MRE11: variants seen among roughly 807,000 people sequenced by gnomAD.
The protein encoded by MRE11 is MRE11 double strand break repair nuclease, also known as double-strand break repair protein MRE11.
MRE11 carries 62 observed loss-of-function variants against 91.7 expected under a neutral mutation model. The ratio of observed to expected loss-of-function variants is 0.68; its 90% CI spans 0.55 to 0.84. MRE11 has a LOEUF of 0.84. Ranked by LOEUF, MRE11 falls within the 40% of genes least tolerant of loss-of-function variation. The probability of loss-of-function intolerance (pLI) is 0.00; values close to 1 mark genes in which losing one functional copy is unlikely to be tolerated. For missense variants in MRE11, 796 were observed against 852.9 expected, an observed-to-expected ratio of 0.93 and a Z score of 0.83; for synonymous variants, 273 against 271.4, an observed-to-expected ratio of 1.01 and a Z score of -0.06.
rs76121721 is a variant in MRE11, at chr11:94,481,520, T to C, written c.315-1759A>G. Among the ~76,000 whole-genome samples, 984 of 152,280 alleles carry C rather than the reference T, an allele frequency of 6.5e-3. 14 individuals are homozygous for C. Among genetic ancestry groups the C allele is most frequent in the African/African-American group, 0.023 (938 of 41,560 alleles). ...TCAGGCAGTTTTTGGCATGCAGAAA[T>C]TTATTTTTGCAAAGACAAATGTATG... On this transcript the variant is annotated intron_variant, in intron 4 of 19. Coordinates refer to ENST00000323929, the MANE Select transcript of MRE11 (RefSeq NM_005591.4).
intron 19 of MRE11, among the ~76,000 whole-genome samples, chr11:94,423,973 C>T (rs977632796): frequency 2.6e-5 from 4 of 152,288 alleles, no homozygotes; most frequent in African/African-American, 9.6e-5. Context: ...AAGGGTGTGG[C>T]CTGTCTGGCA....
rs116587414 is a variant in MRE11, at chr11:94,464,778, G to C, written c.1099-539C>G. On this transcript the variant is annotated intron_variant, in intron 10 of 19. Coordinates refer to ENST00000323929, the MANE Select transcript of MRE11 (RefSeq NM_005591.4). ...CACTGAAACTGAGAACTTCTCTCAA[G>C]GTAGACTCTTTCTACAGAAGTCTGT... is the stretch of plus-strand genomic sequence containing the variant. Among the ~76,000 whole-genome samples, 878 of 152,246 alleles carry C rather than the reference G, an allele frequency of 5.8e-3. 5 individuals are homozygous for C. Among genetic ancestry groups the C allele is most frequent in the African/African-American group, 0.019 (796 of 41,538 alleles).
At chr11:94,476,470 G>T in intron 6 of MRE11, 67 bp from the exon 7 acceptor site, 2 of 1,063,738 alleles carry the variant, frequency 1.9e-6, no homozygotes, top group Non-Finnish European at 2.9e-6. Flanking sequence ...AATCTATTTT[G>T]CTTCTAAATT....
chr11:94,451,287 G>A (rs2067035), intron 14 of MRE11, among the ~76,000 whole-genome samples: 28,425 of 151,824 alleles, frequency 0.19, 3,066 homozygotes, highest in Non-Finnish European at 0.24. Flanking sequence ...GATCCAAGGT[G>A]GGAAAAAAAC....
intron 19 of MRE11, among the ~76,000 whole-genome samples, chr11:94,427,943 T>A (rs1213254941): frequency 6.6e-6 from 1 of 152,146 alleles, no homozygotes; most frequent in African/African-American, 2.4e-5. Context: ...AGAATCAGTA[T>A]CATTAAAATG....
chr11:94,507,297 G>A, the MRE11 span, among the ~76,000 whole-genome samples: 1 of 152,096 alleles, frequency 6.6e-6, no homozygotes, highest in Admixed American at 6.6e-5. Flanking sequence ...TCTGCATGTA[G>A]CAGGGTTTTG....
chr11:94,472,868 C>T (rs998817100), intron 7 of MRE11: 1 of 152,040 alleles, frequency 6.6e-6, no homozygotes, highest in Admixed American at 6.6e-5. Context: ...ATAAGGGATA[C>T]TCAATCTCTA....
chr11:94,508,612 CTATTT>C, the MRE11 span, among the ~76,000 whole-genome samples: 2 of 152,076 alleles, frequency 1.3e-5, no homozygotes, highest in Admixed American at 6.6e-5. Context: ...TTTCTAGATT[CTATTT>C]TATTTCATTG....
At chr11:94,420,774 T>G (rs967737774) in intron 19 of MRE11, among the ~76,000 whole-genome samples, 2 of 152,178 alleles carry the variant, frequency 1.3e-5, no homozygotes, top group Non-Finnish European at 2.9e-5. Flanking sequence ...GGCTCACGCC[T>G]GTAATCCCAG....
Position 94,419,483 on chromosome 11 carries a change from A to C in MRE11, c.*642T>G, listed in dbSNP as rs1028908032. ...GGGAGAGGGAGAGAGAGAGAGAGAG[A>C]GAGAGAGAGAGAACACCATTAAGGA... On this transcript the variant is annotated 3_prime_UTR_variant, in exon 20 of 20. Coordinates refer to ENST00000323929, the MANE Select transcript of MRE11 (RefSeq NM_005591.4). The C allele has an allele frequency of 4.3e-6, 1 of 232,696 alleles. No homozygotes were observed. The highest frequency in any genetic ancestry group is 2.2e-5 in the African/African-American group (1 of 45,242). The allele number at this position is 232,696 out of a possible 1,614,324, so 14.4% of individuals were successfully genotyped here. A position where few individuals can be genotyped will look rare whatever the true frequency, so the allele number is the denominator to read the frequency against.
At chr11:94,452,781 A>T (rs1946144349) in intron 14 of MRE11, among the ~76,000 whole-genome samples, 1 of 152,192 alleles carries the variant, frequency 6.6e-6, no homozygotes, top group Admixed American at 6.5e-5. Flanking sequence ...ACATTTTGTG[A>T]GATTTGAAAA....
intron 16 of MRE11, among the ~76,000 whole-genome samples, chr11:94,442,489 G>GA (rs1267265018): frequency 6.0e-5 from 9 of 149,408 alleles, no homozygotes; most frequent in East Asian, 3.9e-4. Context: ...AAACAAAAAA[G>GA]AAAAATAAAA....
Position 94,476,274 on chromosome 11 carries a change from A to G in MRE11, c.659+15T>C. 6 of 1,568,680 alleles carry G rather than the reference A, an allele frequency of 3.8e-6. No homozygotes were observed. Among genetic ancestry groups the G allele is most frequent in the Non-Finnish European group, 5.3e-6 (6 of 1,139,004 alleles). On this transcript the variant is annotated intron_variant, in intron 7 of 19. Coordinates refer to ENST00000323929, the MANE Select transcript of MRE11 (RefSeq NM_005591.4). ...CTCAGCACTTGGCTCAAACTTTTTCAGAGAAAAGTTTTACCTGTTCTGATG... is the reference window on the plus strand; with the variant it reads ...CTCAGCACTTGGCTCAAACTTTTTCGGAGAAAAGTTTTACCTGTTCTGATG...
upstream of MRE11, among the ~76,000 whole-genome samples, chr11:94,496,281 T>C (rs191641477): frequency 1.3e-5 from 2 of 152,334 alleles, no homozygotes; most frequent in Admixed American, 1.3e-4. Context: ...CCTGTCTTCA[T>C]TGTATTAGTT....
intron 5 of MRE11, 91 bp from the exon 6 acceptor site, chr11:94,478,967 AT>A (rs138828655): frequency 3.3e-4 from 445 of 1,366,122 alleles, no homozygotes; most frequent in Middle Eastern, 5.4e-4. Flanking sequence ...CATACTCCAT[AT>A]TCTACTTACA....
At chr11:94,457,705 G>A (rs1481459080) in intron 13 of MRE11, among the ~76,000 whole-genome samples, 1 of 152,068 alleles carries the variant, frequency 6.6e-6, no homozygotes, top group Non-Finnish European at 1.5e-5. Context: ...AACCTTGAAG[G>A]AGGGCCTATT....
intron 14 of MRE11, among the ~76,000 whole-genome samples, chr11:94,449,594 T>C (rs528794368): frequency 6.6e-6 from 1 of 152,222 alleles, no homozygotes; most frequent in Non-Finnish European, 1.5e-5. Flanking sequence ...AAAGTGTCCT[T>C]TCTGTGATAG....
chr11:94,455,269 G>A (rs1946219272), intron 14 of MRE11, among the ~76,000 whole-genome samples: 2 of 152,000 alleles, frequency 1.3e-5, no homozygotes, highest in Admixed American at 6.6e-5. Context: ...TATAAAATGG[G>A]CACCTAGGAA....
At chr11:94,440,647 C>A (rs1276406233) in intron 16 of MRE11, among the ~76,000 whole-genome samples, 2 of 152,144 alleles carry the variant, frequency 1.3e-5, no homozygotes, top group African/African-American at 4.8e-5. Context: ...GTGAAAACCC[C>A]GATGCATTTC....
Sources: allele counts gnomAD v4.1 joint callset (sites outside exome capture counted in the v4.1 genomes callset), GRCh38; gene constraint gnomAD v4.1.1; transcripts MANE v1.5; gene names NCBI Gene and HGNC (gene_info 2026-07-23, HGNC 2026-07-21).